DPF3: variants seen among roughly 807,000 people sequenced by gnomAD.
The protein encoded by DPF3 is double PHD fingers 3, also known as zinc finger protein DPF3.
A neutral mutation model predicts 56.8 loss-of-function variants in DPF3; 18 were observed. That is an observed-to-expected ratio of 0.32 (90% CI 0.22 to 0.47). DPF3 has a LOEUF of 0.47. Ranked by LOEUF, DPF3 falls within the 20% of genes least tolerant of loss-of-function variation. The pLI, the probability that DPF3 is intolerant of heterozygous loss-of-function variation, is 1.00. For missense variants in DPF3, 403 were observed against 488.8 expected, an observed-to-expected ratio of 0.82 and a Z score of 1.65; for synonymous variants, 188 against 180.2, an observed-to-expected ratio of 1.04 and a Z score of -0.35.
At chr14:72,864,355 A>C (rs1331815512) in intron 1 of DPF3, among the ~76,000 whole-genome samples, 1 of 151,916 alleles carries the variant, frequency 6.6e-6, no homozygotes, top group Admixed American at 6.6e-5. Context: ...ACTTTGCTTT[A>C]TTTTCTGCCA....
chr14:72,885,813 G>C (rs1051876201), intron 1 of DPF3, among the ~76,000 whole-genome samples: 1 of 152,162 alleles, frequency 6.6e-6, no homozygotes, highest in Non-Finnish European at 1.5e-5. Flanking sequence ...ATGCCCATCG[G>C]CAGTTAAACA....
chr14:72,812,548 C>T (rs575585667), intron 1 of DPF3, among the ~76,000 whole-genome samples: 3 of 152,120 alleles, frequency 2.0e-5, no homozygotes, highest in African/African-American at 7.2e-5. Context: ...CTTCCCATGA[C>T]GTCACCGAGA....
In DPF3 at chr14:72,872,907, A is replaced by G. The variant is rs185572129; in HGVS notation, c.32+21150T>C. Among the ~76,000 whole-genome samples the G allele has an allele frequency of 3.7e-3, 571 of 152,378 alleles. 4 individuals are homozygous for G. The highest frequency in any genetic ancestry group is 0.013 in the African/African-American group (551 of 41,588). On this transcript the variant is annotated intron_variant, in intron 1 of 10. Coordinates refer to ENST00000556509, the MANE Select transcript of DPF3 (RefSeq NM_001280542.3). ...AAACTGGAGCCCTTCCTTACACCTT[A>G]TACTAAAATTAATTCAAGATGGATT...
At chr14:72,796,805 A>G (rs536402007) in intron 1 of DPF3, among the ~76,000 whole-genome samples, 1 of 152,246 alleles carries the variant, frequency 6.6e-6, no homozygotes, top group South Asian at 2.1e-4. Context: ...TACAACTATC[A>G]TTGTCGATAG....
At chr14:72,741,289 C>T (rs1021202607) in intron 3 of DPF3, among the ~76,000 whole-genome samples, 1 of 152,130 alleles carries the variant, frequency 6.6e-6, no homozygotes, top group Admixed American at 6.5e-5. Flanking sequence ...AGAATAACCC[C>T]GCAAAATCAC....
At chr14:72,888,432 C>T (rs529918538) in intron 1 of DPF3, among the ~76,000 whole-genome samples, 12 of 152,292 alleles carry the variant, frequency 7.9e-5, no homozygotes, top group Non-Finnish European at 8.8e-5. Flanking sequence ...CTGTGAAACA[C>T]CAGTAACCGG....
chr14:72,674,373 G>A lies in DPF3; in HGVS notation c.743-5C>T, dbSNP rs372647119. 32 of 1,611,370 alleles carry A rather than the reference G, an allele frequency of 2.0e-5. No individual in the cohort carries two copies. In the African/African-American group the frequency reaches 4.0e-4, roughly 20 times the overall value. On this transcript the variant is annotated splice_polypyrimidine_tract_variant and splice_region_variant and intron_variant, in intron 7 of 10. Coordinates refer to ENST00000556509, the MANE Select transcript of DPF3 (RefSeq NM_001280542.3). ...TTCCATCCGGTCCTTTCTGGGCTGT[G>A]GGAACATTTAAAACATTCCAATTTC... is the stretch of plus-strand genomic sequence containing the variant.
intron 5 of DPF3, 123 bp from the exon 6 acceptor site, chr14:72,714,624 C>T: frequency 9.2e-7 from 1 of 1,081,870 alleles, no homozygotes. Flanking sequence ...CCAGTCCCAT[C>T]TTACAGGGGA....
At chr14:72,655,045 G>A (rs1371890207) in intron 8 of DPF3, among the ~76,000 whole-genome samples, 1 of 152,088 alleles carries the variant, frequency 6.6e-6, no homozygotes, top group African/African-American at 2.4e-5. Context: ...CAGCACAAAT[G>A]TTCATGCTGG....
At chr14:72,773,372 G>A (rs1386489487) in intron 1 of DPF3, among the ~76,000 whole-genome samples, 2 of 152,048 alleles carry the variant, frequency 1.3e-5, no homozygotes, top group Non-Finnish European at 2.9e-5. Context: ...GACCTCAGGC[G>A]ATCCACCCGC....
At chr14:72,706,951 T>C (rs1388360933) in intron 6 of DPF3, among the ~76,000 whole-genome samples, 1 of 152,174 alleles carries the variant, frequency 6.6e-6, no homozygotes, top group Non-Finnish European at 1.5e-5. Context: ...GCATTAGGTA[T>C]ATCTCCTAAA....
At chr14:72,839,198 G>A (rs1185523594) in intron 1 of DPF3, among the ~76,000 whole-genome samples, 1 of 151,872 alleles carries the variant, frequency 6.6e-6, no homozygotes, top group Admixed American at 6.6e-5. Context: ...TGGGATTACA[G>A]GTGTGAGCCA....
Position 72,750,474 on chromosome 14 carries a change from C to G in DPF3, c.301+2790G>C, listed in dbSNP as rs528004034. On this transcript the variant is annotated intron_variant, in intron 3 of 10. Coordinates refer to ENST00000556509, the MANE Select transcript of DPF3 (RefSeq NM_001280542.3). ...ACATGTCAAGCACTTATAATAAAAC[C>G]CTTTAAATTGACAACTTACATATGA... Among the ~76,000 whole-genome samples the G allele has an allele frequency of 6.6e-5, 10 of 152,024 alleles. No individual in the cohort carries two copies. The East Asian group carries it at 1.5e-3, about 23-fold the overall frequency.
chr14:72,653,799 G>A (rs573101456), intron 8 of DPF3, among the ~76,000 whole-genome samples: 1 of 152,208 alleles, frequency 6.6e-6, no homozygotes, highest in Admixed American at 6.5e-5. Context: ...CAGTTTCTCT[G>A]GTTTCAGAAT....
At position 72,618,537 on chromosome 14, in the gene DPF3, C is replaced by T. The variant is rs1378699023; in HGVS notation, c.*760G>A. On this transcript the variant is annotated 3_prime_UTR_variant, in exon 11 of 11. Coordinates refer to ENST00000556509, the MANE Select transcript of DPF3 (RefSeq NM_001280542.3). ...CAGCTCTGAAGGTCAAGGAACCAGC[C>T]TGGCCTCTTGCAAAGTCTCTCCCGA... Among the ~76,000 whole-genome samples the T allele has an allele frequency of 6.6e-6, 1 of 152,212 alleles. No individual in the cohort carries two copies. Among genetic ancestry groups the T allele is most frequent in the African/African-American group, 2.4e-5 (1 of 41,464 alleles).
chr14:72,613,088 T>C lies in DPF3; in HGVS notation c.*6209A>G, dbSNP rs190461364. On this transcript the variant is annotated 3_prime_UTR_variant, in exon 11 of 11. Coordinates refer to ENST00000556509, the MANE Select transcript of DPF3 (RefSeq NM_001280542.3). The stretch of plus-strand genomic sequence containing the variant: ...TGGGCATTCCTGTTCTCATCATCAA[T>C]ATTCATAACATTGAAATGAAGAACA... Among the ~76,000 whole-genome samples the C allele has an allele frequency of 6.6e-6, 1 of 152,192 alleles. No individual in the cohort carries two copies. Among genetic ancestry groups the C allele is most frequent in the Admixed American group, 6.5e-5 (1 of 15,304 alleles).
intron 1 of DPF3, among the ~76,000 whole-genome samples, chr14:72,860,268 C>T (rs1263069073): frequency 6.6e-6 from 1 of 152,148 alleles, no homozygotes; most frequent in African/African-American, 2.4e-5. Context: ...CTACAATGTC[C>T]ACCTCCCAGG....
At chr14:72,666,412 C>G (rs932258560) in intron 8 of DPF3, among the ~76,000 whole-genome samples, 1 of 152,194 alleles carries the variant, frequency 6.6e-6, no homozygotes, top group Admixed American at 6.5e-5. Context: ...AAAAGACCTA[C>G]AGGCATTTTA....
At position 72,614,336 on chromosome 14, in the gene DPF3, C is replaced by A. The variant is rs930669451; in HGVS notation, c.*4961G>T. On this transcript the variant is annotated 3_prime_UTR_variant, in exon 11 of 11. Coordinates refer to ENST00000556509, the MANE Select transcript of DPF3 (RefSeq NM_001280542.3). ...TGTTCCCCACCATCACCATCCTTCCCCTTCACCTGGTATCCAAAAGCATAC... is the reference window on the plus strand; with the variant it reads ...TGTTCCCCACCATCACCATCCTTCCACTTCACCTGGTATCCAAAAGCATAC... Among the ~76,000 whole-genome samples the A allele has an allele frequency of 1.3e-5, 2 of 152,216 alleles. No homozygotes were observed. The highest frequency in any genetic ancestry group is 6.5e-5 in the Admixed American group (1 of 15,284).
Sources: allele counts gnomAD v4.1 joint callset (sites outside exome capture counted in the v4.1 genomes callset), GRCh38; gene constraint gnomAD v4.1.1; transcripts MANE v1.5; gene names NCBI Gene and HGNC (gene_info 2026-07-23, HGNC 2026-07-21).